The following MYO3B variants were observed in gnomAD, a reference collection of about 807,000 sequenced individuals.
The protein encoded by MYO3B is myosin IIIB.
A neutral mutation model predicts 174.6 loss-of-function variants in MYO3B; 156 were observed. The observed-to-expected ratio is 0.89, with a 90% confidence interval of 0.78 to 1.02. MYO3B has a LOEUF of 1.02. MYO3B is among the 50% of genes least tolerant of loss of function. The pLI, the probability that MYO3B is intolerant of heterozygous loss-of-function variation, is 0.00. For missense variants in MYO3B, 1,632 were observed against 1,639.4 expected (o/e 1.00, Z 0.08); for synonymous variants, 563 against 569.1 (o/e 0.99, Z 0.15).
intron 7 of MYO3B, among the ~76,000 whole-genome samples, chr2:170,284,972 T>C (rs2093543521): frequency 6.6e-6 from 1 of 152,232 alleles, no homozygotes; most frequent in Admixed American, 6.5e-5. Context: ...ACATATCCAA[T>C]TGCATCTTGC....
chr2:170,447,372 C>T (rs1683280626), intron 23 of MYO3B, among the ~76,000 whole-genome samples: 1 of 152,078 alleles, frequency 6.6e-6, no homozygotes, highest in South Asian at 2.1e-4. Context: ...AATAAAAATT[C>T]TTCTAAAGAG....
intron 32 of MYO3B, among the ~76,000 whole-genome samples, chr2:170,576,298 C>T (rs1001302756): frequency 4.6e-5 from 7 of 152,082 alleles, no homozygotes; most frequent in African/African-American, 7.2e-5. Context: ...GGTTACTGTC[C>T]GGCTGATGCT....
chr2:170,426,549 G>T (rs945904946), intron 22 of MYO3B, among the ~76,000 whole-genome samples: 1 of 151,748 alleles, frequency 6.6e-6, no homozygotes, highest in African/African-American at 2.4e-5. Flanking sequence ...TGTTAGCCAG[G>T]ATGTAAATAT....
At chr2:170,618,832 G>A (rs1442731708) in intron 32 of MYO3B, among the ~76,000 whole-genome samples, 4 of 152,176 alleles carry the variant, frequency 2.6e-5, no homozygotes, top group African/African-American at 9.7e-5. Flanking sequence ...CAGTACATTT[G>A]TATGTAGAAG....
chr2:170,387,013 A>G (rs2094380781), intron 13 of MYO3B, 93 bp from the exon 14 acceptor site: 1 of 1,230,744 alleles, frequency 8.1e-7, no homozygotes, highest in South Asian at 1.3e-5. Context: ...TAAAAAGACC[A>G]TGTGGATTTT....
At chr2:170,570,403 CT>C (rs1226966811) in intron 32 of MYO3B, among the ~76,000 whole-genome samples, 1 of 152,102 alleles carries the variant, frequency 6.6e-6, no homozygotes, top group Non-Finnish European at 1.5e-5. Context: ...CATAATTAAT[CT>C]TTTTTATATT....
chr2:170,405,513 A>C, intron 20 of MYO3B, 32 bp from the exon 21 acceptor site: 1 of 1,606,152 alleles, frequency 6.2e-7, no homozygotes, highest in Non-Finnish European at 8.5e-7. Context: ...AATAATTCAC[A>C]TTGTAACTCT....
intron 3 of MYO3B, 52 bp from the exon 4 acceptor site, chr2:170,214,327 T>C (rs1220737200): frequency 2.7e-6 from 4 of 1,461,070 alleles, no homozygotes; most frequent in South Asian, 1.2e-5. Context: ...TTTTCTTTTC[T>C]TTTTCACATG....
Position 170,214,463 on chromosome 2 carries a change from AT to A in MYO3B, c.407del (p.Ile136ThrfsTer22), listed in dbSNP as rs779403585. The part of the protein sequence containing the change: ...QRLDEAMISY[I>X]LYGALLGLQH... ...GTTGGATGAAGCAATGATCTCATAC[AT>A]CTTGTACGGGGCCCTCTTGGTAAGA... On this transcript the variant is annotated frameshift_variant, in exon 4 of 35. Transcript: ENST00000408978. LOFTEE classifies it high-confidence loss of function. The A allele has an allele frequency of 1.2e-6, 2 of 1,614,182 alleles. No homozygotes were observed. Among genetic ancestry groups the A allele is most frequent in the South Asian group, 2.2e-5 (2 of 91,086 alleles).
intron 28 of MYO3B, among the ~76,000 whole-genome samples, chr2:170,511,676 G>C (rs1021592986): frequency 6.6e-6 from 1 of 152,110 alleles, no homozygotes; most frequent in African/African-American, 2.4e-5. Context: ...ATTTGCTGTC[G>C]TTCCTTCTAA....
intron 23 of MYO3B, among the ~76,000 whole-genome samples, chr2:170,458,650 C>T (rs1311987474): frequency 6.6e-6 from 1 of 152,218 alleles, no homozygotes; most frequent in African/African-American, 2.4e-5. Context: ...GGCTACACAA[C>T]AGCCTTCTCA....
chr2:170,625,511 G>T (rs1324499048), intron 32 of MYO3B, among the ~76,000 whole-genome samples: 1 of 152,102 alleles, frequency 6.6e-6, no homozygotes, highest in Non-Finnish European at 1.5e-5. Flanking sequence ...CCAGCTCCTG[G>T]ATTCATTGAT....
At chr2:170,381,874 A>G (rs1574885425) in intron 9 of MYO3B, 142 bp from the exon 10 acceptor site, 1 of 613,178 alleles carries the variant, frequency 1.6e-6, no homozygotes. Flanking sequence ...AAGCCTGGGG[A>G]CCTGGACTGG....
intron 32 of MYO3B, among the ~76,000 whole-genome samples, chr2:170,614,563 C>G (rs774252609): frequency 3.2e-4 from 48 of 152,268 alleles, no homozygotes; most frequent in South Asian, 1.5e-3. Context: ...GTGCTCTTAA[C>G]CAGAGTTTCT....
chr2:170,443,432 T>C (rs1305289345), intron 22 of MYO3B, among the ~76,000 whole-genome samples: 1 of 152,214 alleles, frequency 6.6e-6, no homozygotes, highest in African/African-American at 2.4e-5. Context: ...TTTCTCCCAT[T>C]CTGTAGGTTG....
chr2:170,192,607 A>T (rs1041849090), intron 1 of MYO3B, among the ~76,000 whole-genome samples: 1 of 149,942 alleles, frequency 6.7e-6, no homozygotes, highest in African/African-American at 2.4e-5. Flanking sequence ...TGCTTATTTT[A>T]TTTATCTATT....
At chr2:170,516,667 T>C (rs1007666398) in intron 29 of MYO3B, among the ~76,000 whole-genome samples, 2 of 149,494 alleles carry the variant, frequency 1.3e-5, no homozygotes, top group African/African-American at 4.9e-5. Flanking sequence ...AAAATGTGAA[T>C]GGCTTATAGA....
At chr2:170,301,778 G>A (rs774812359) in intron 7 of MYO3B, among the ~76,000 whole-genome samples, 4 of 149,886 alleles carry the variant, frequency 2.7e-5, no homozygotes, top group Non-Finnish European at 5.9e-5. Context: ...ACGTGGTCCA[G>A]TATTTCATGG....
intron 7 of MYO3B, 128 bp from the exon 8 acceptor site, chr2:170,335,257 A>G (rs2093939262): frequency 2.8e-6 from 2 of 711,032 alleles, no homozygotes; most frequent in East Asian, 2.7e-5. Context: ...CCACTAAAAA[A>G]TGACTCTCAT....
Sources: allele counts gnomAD v4.1 joint callset (sites outside exome capture counted in the v4.1 genomes callset), GRCh38; gene constraint gnomAD v4.1.1; transcripts MANE v1.5; gene names NCBI Gene and HGNC (gene_info 2026-07-23, HGNC 2026-07-21).